Variants in HEMK2 observed in about 807,000 individuals in gnomAD.
HEMK2 encodes the protein HemK methyltransferase 2, ETF1 glutamine and histone H4 lysine.
At chr21:28,648,825 T>G in the HEMK2 span, among the ~76,000 whole-genome samples, 1 of 152,320 alleles carries the variant, frequency 6.6e-6, no homozygotes, top group East Asian at 1.9e-4. Flanking sequence ...AGGGTACATG[T>G]GCACAACGTG....
the HEMK2 span, among the ~76,000 whole-genome samples, chr21:28,727,106 A>C: frequency 6.6e-6 from 1 of 152,236 alleles, no homozygotes; most frequent in African/African-American, 2.4e-5. Flanking sequence ...TGTGGGGAGA[A>C]AAAATAAGCA....
At chr21:28,632,254 C>G in the HEMK2 span, among the ~76,000 whole-genome samples, 2 of 152,164 alleles carry the variant, frequency 1.3e-5, no homozygotes, top group Non-Finnish European at 2.9e-5. Flanking sequence ...AATGTGCATA[C>G]AAATTCCCTG....
At chr21:28,839,010 TAC>T in the HEMK2 span, among the ~76,000 whole-genome samples, 864 of 72,184 alleles carry the variant, frequency 0.012, 32 homozygotes, top group African/African-American at 0.048. Flanking sequence ...TACATATATA[TAC>T]ACAATCTGCC....
chr21:28,810,351 A>C, the HEMK2 span, among the ~76,000 whole-genome samples: 1 of 152,186 alleles, frequency 6.6e-6, no homozygotes, highest in African/African-American at 2.4e-5. Flanking sequence ...AGACTGAGAG[A>C]GCAACAGTCA....
chr21:28,704,409 C>T, the HEMK2 span, among the ~76,000 whole-genome samples: 6 of 152,148 alleles, frequency 3.9e-5, no homozygotes, highest in East Asian at 1.9e-4. Flanking sequence ...GCTTTTTTTA[C>T]GTCCTGGTAG....
chr21:28,670,282 T>G, the HEMK2 span, among the ~76,000 whole-genome samples: 1 of 152,214 alleles, frequency 6.6e-6, no homozygotes, highest in African/African-American at 2.4e-5. Context: ...GCAAAGGAAC[T>G]GATGCAAATG....
the HEMK2 span, among the ~76,000 whole-genome samples, chr21:28,620,605 T>C: frequency 6.6e-6 from 1 of 151,132 alleles, no homozygotes; most frequent in African/African-American, 2.4e-5. Context: ...GTGGGATCAG[T>C]GGTGATATTC....
chr21:28,672,622 G>C, the HEMK2 span, among the ~76,000 whole-genome samples: 2 of 152,006 alleles, frequency 1.3e-5, no homozygotes, highest in African/African-American at 4.8e-5. Flanking sequence ...CCCAACCAGT[G>C]TACACCCCTC....
At chr21:28,866,175 A>AAAAACAAAAAAAC in the HEMK2 span, among the ~76,000 whole-genome samples, 6 of 76,234 alleles carry the variant, frequency 7.9e-5, no homozygotes, top group African/African-American at 3.1e-4. Context: ...CAAAAAAAAA[A>AAAAACAAAAAAAC]ACACACACAC....
At chr21:28,682,276 G>C in the HEMK2 span, among the ~76,000 whole-genome samples, 5 of 150,504 alleles carry the variant, frequency 3.3e-5, no homozygotes, top group African/African-American at 1.2e-4. Context: ...GAAGACATTT[G>C]TGCAGCCAAA....
At chr21:28,736,738 CT>C in the HEMK2 span, among the ~76,000 whole-genome samples, 2 of 151,792 alleles carry the variant, frequency 1.3e-5, no homozygotes, top group Non-Finnish European at 2.9e-5. Context: ...GCACTCCAGC[CT>C]GGGCAACAGA....
At chr21:28,880,003 A>G in the HEMK2 span, 1 of 1,251,590 alleles carries the variant, frequency 8.0e-7, no homozygotes, top group South Asian at 1.5e-5. Flanking sequence ...TCTGAATTAA[A>G]TAACTGACAA....
the HEMK2 span, among the ~76,000 whole-genome samples, chr21:28,587,747 T>C: frequency 1.3e-5 from 2 of 152,194 alleles, no homozygotes; most frequent in East Asian, 1.9e-4. Context: ...TACTATATAA[T>C]GAAGATTCCA....
At chr21:28,875,410 CT>C in the HEMK2 span, 1 of 152,298 alleles carries the variant, frequency 6.6e-6, no homozygotes, top group Admixed American at 6.5e-5. Context: ...AATGGCACGG[CT>C]TTGCTCTAAA....
chr21:28,882,373 C>G, the HEMK2 span: 1 of 582,166 alleles, frequency 1.7e-6, no homozygotes, highest in African/African-American at 2.0e-5. Flanking sequence ...AAAATTAGAA[C>G]GTATTCAATA....
the HEMK2 span, among the ~76,000 whole-genome samples, chr21:28,656,894 T>G: frequency 6.6e-6 from 1 of 152,096 alleles, no homozygotes; most frequent in Non-Finnish European, 1.5e-5. Context: ...ATCCTTCATT[T>G]CTTCAAGAGA....
At chr21:28,588,982 C>CA in the HEMK2 span, among the ~76,000 whole-genome samples, 34,567 of 106,986 alleles carry the variant, frequency 0.32, 4,913 homozygotes, top group Non-Finnish European at 0.35. Flanking sequence ...GACACTGTCT[C>CA]AAAAAAAAAA....
chr21:28,581,902 G>A, the HEMK2 span, among the ~76,000 whole-genome samples: 73 of 152,250 alleles, frequency 4.8e-4, no homozygotes, highest in African/African-American at 1.7e-3. Context: ...TTAAAAGGGG[G>A]GAAAATGTTT....
chr21:28,859,726 AAGG>A, the HEMK2 span, among the ~76,000 whole-genome samples: 1 of 152,120 alleles, frequency 6.6e-6, no homozygotes, highest in African/African-American at 2.4e-5. Context: ...TGGATGCTGG[AAGG>A]AGAAGCAGCA....
Sources: gnomAD v4.1 joint callset for allele counts (sites outside exome capture counted in the v4.1 genomes callset) on GRCh38, gnomAD v4.1.1 for gene constraint, MANE v1.5 for transcripts, NCBI Gene and HGNC (gene_info 2026-07-23, HGNC 2026-07-21) for gene names.